DHRS3: variants seen among roughly 807,000 people sequenced by gnomAD.
DHRS3 encodes the protein dehydrogenase/reductase 3.
A neutral mutation model predicts 27.2 loss-of-function variants in DHRS3; 14 were observed. The ratio of observed to expected loss-of-function variants is 0.52; its 90% CI spans 0.34 to 0.81. The LOEUF (loss-of-function observed/expected upper bound fraction) is 0.81. DHRS3 is among the 30% of genes least tolerant of loss of function. The probability of loss-of-function intolerance (pLI) is 0.01; values close to 1 mark genes in which losing one functional copy is unlikely to be tolerated. For missense variants in DHRS3, 322 were observed against 406.2 expected (o/e 0.79, Z 1.78); for synonymous variants, 165 against 175.9 (o/e 0.94, Z 0.49).
At chr1:12,570,058 C>G (rs1351008538) in intron 5 of DHRS3, 4 of 152,188 alleles carry the variant, frequency 2.6e-5, no homozygotes, top group East Asian at 1.9e-4. Context: ...GACCTTCTCT[C>G]CCTTCATACA....
chr1:12,617,545 A>C lies in DHRS3; in HGVS notation c.-197T>G. On this transcript the variant is annotated 5_prime_UTR_variant, in exon 1 of 6. The change creates a new upstream start codon in the 5' untranslated region. Transcript: ENST00000616661. ...GAAAAAAAAAAAAAAAAAAAAGATA[A>C]ATTCTCCTCTGGGGGAGAAAAAGCG... 1.1e-5 allele frequency: 5 copies of C among 442,516 alleles called. No individual in the cohort carries two copies. The highest frequency in any genetic ancestry group is 1.1e-5 in the Non-Finnish European group (3 of 263,268). 27.4% of individuals were successfully genotyped at this position (442,516 alleles called of 1,614,324 possible). A position where few individuals can be genotyped will look rare whatever the true frequency, so the allele number is the denominator to read the frequency against.
At position 12,617,178 on chromosome 1, in the gene DHRS3, C is replaced by G. The variant is rs764159622; in HGVS notation, c.171G>C (p.Glu57Asp). 1.2e-5 allele frequency: 20 copies of G among 1,612,386 alleles called. No homozygotes were observed. The East Asian group carries it at 4.5e-4, about 36-fold the overall frequency. ...CCTTTCTGGCGCCGCGCTCCGCGAA[C>G]TCGCGGGCGAGCTGACGCCCGATGC... is the stretch of plus-strand genomic sequence containing the variant. ...GRGIGRQLAR[E>D]FAERGARKIV... is the part of the protein sequence containing the mutation. Residue 57 changes from glutamate (E) to aspartate (D), a missense_variant, in exon 1 of 6, where the codon GAG becomes GAC. Transcript: ENST00000616661.
chr1:12,594,177 A>C lies in DHRS3; in HGVS notation c.196-13511T>G, dbSNP rs1476138039. On this transcript the variant is annotated intron_variant, in intron 1 of 5. Coordinates refer to ENST00000616661, the MANE Select transcript of DHRS3 (RefSeq NM_004753.7). This position sits in a 1 kb window ranked among gnomAD's most constrained non-coding sequence, Gnocchi z 4.1. The stretch of plus-strand genomic sequence containing the variant: ...TTACTGTCCACCGGGGTGGGATTCA[A>C]ATTTGGACAGTCTAAGTAACTCATG... 6.6e-6 allele frequency among the ~76,000 whole-genome samples: 1 copy of C among 152,138 alleles called. No homozygotes were observed. Among genetic ancestry groups the C allele is most frequent in the African/African-American group, 2.4e-5 (1 of 41,420 alleles).
intron 2 of DHRS3, 116 bp downstream of exon 2, chr1:12,580,407 G>T: frequency 6.7e-7 from 1 of 1,481,772 alleles, no homozygotes; most frequent in South Asian, 1.2e-5. Flanking sequence ...GGTGCCCCGG[G>T]CAAAGCCATT....
intron 1 of DHRS3, among the ~76,000 whole-genome samples, chr1:12,600,997 C>T (rs1425997988): frequency 1.3e-5 from 2 of 151,014 alleles, no homozygotes; most frequent in South Asian, 2.1e-4. Context: ...GGTTGGGGGG[C>T]GCGGTGGTAA....
intron 3 of DHRS3, 108 bp downstream of exon 3, chr1:12,579,185 A>T (rs1646621187): frequency 6.4e-7 from 1 of 1,571,224 alleles, no homozygotes; most frequent in East Asian, 2.3e-5. Flanking sequence ...TTGTTCGTGG[A>T]CATCCCTGCT....
chr1:12,609,047 C>T (rs1646889569), intron 1 of DHRS3, among the ~76,000 whole-genome samples: 2 of 152,196 alleles, frequency 1.3e-5, no homozygotes, highest in African/African-American at 4.8e-5. Flanking sequence ...AAAAGCATCT[C>T]CTTCATTCTA....
Position 12,578,784 on chromosome 1 carries a change from C to A in DHRS3, c.632G>T (p.Gly211Val). ...SLTLGLLDCP[G>V]VSATTVLPFH... is the part of the protein sequence containing the mutation. ...GGGCAGCACTGTGGTGGCGCTGACT[C>A]CCGGACAGTCCAGCAGCCCCAGGGT... The change falls in exon 4 of 6, where the codon GGA becomes GTA. Residue 211 changes from glycine to valine, a missense_variant. Gly to Val is a moderately radical substitution (Grantham distance 109). Transcript: ENST00000616661. The surrounding 1 kb of genome is among the most constrained non-coding windows in gnomAD (Gnocchi z 4.5). 1 of 1,614,100 alleles carries A rather than the reference C, an allele frequency of 6.2e-7. No homozygotes were observed. Among genetic ancestry groups the A allele is most frequent in the Non-Finnish European group, 8.5e-7 (1 of 1,180,028 alleles).
chr1:12,576,312 C>T (rs575423095), intron 4 of DHRS3, among the ~76,000 whole-genome samples: 1 of 152,060 alleles, frequency 6.6e-6, no homozygotes, highest in Admixed American at 6.5e-5. Context: ...CCTGTAATCC[C>T]AGCACTTTGG....
Position 12,617,238 on chromosome 1 carries a change from C to G in DHRS3, c.111G>C (p.Ser37=). Residue 37 remains serine, a synonymous_variant, in exon 1 of 6, where the codon TCG becomes TCC. Coordinates refer to ENST00000616661, the MANE Select transcript of DHRS3 (RefSeq NM_004753.7). ...LVLPAKLRDL[S]RENVLITGGG... ...CGCCGGTGATGAGGACGTTCTCCCG[C>G]GACAGGTCCCGCAGCTTGGCGGGCA... The G allele has an allele frequency of 6.2e-7, 1 of 1,613,748 alleles. No individual in the cohort carries two copies. The highest frequency in any genetic ancestry group is 8.5e-7 in the Non-Finnish European group (1 of 1,179,978).
At chr1:12,611,079 C>G (rs747702873) in intron 1 of DHRS3, among the ~76,000 whole-genome samples, 18 of 152,158 alleles carry the variant, frequency 1.2e-4, no homozygotes, top group Non-Finnish European at 2.4e-4. Flanking sequence ...GGCAGACGGC[C>G]TCGGCAAATA....
chr1:12,571,076 G>A (rs1646532588), intron 5 of DHRS3, among the ~76,000 whole-genome samples: 1 of 152,208 alleles, frequency 6.6e-6, no homozygotes, highest in Non-Finnish European at 1.5e-5. Context: ...TCCTGAAAAG[G>A]ACTTCCAGGT....
At chr1:12,614,085 C>A (rs1417280925) in intron 1 of DHRS3, among the ~76,000 whole-genome samples, 1 of 152,098 alleles carries the variant, frequency 6.6e-6, no homozygotes, top group South Asian at 2.1e-4. Flanking sequence ...TCCTGGAGTT[C>A]CTGACGTGGT....
intron 1 of DHRS3, among the ~76,000 whole-genome samples, chr1:12,600,746 G>A (rs781022798): frequency 6.6e-6 from 1 of 152,150 alleles, no homozygotes; most frequent in South Asian, 2.1e-4. Flanking sequence ...CTGGCCTCTC[G>A]CACCTGTGAA....
At chr1:12,616,451 T>A (rs76834451) in intron 1 of DHRS3, 24,843 of 674,588 alleles carry the variant, frequency 0.037, 691 homozygotes, top group East Asian at 0.2. Flanking sequence ...GGACCCTCCT[T>A]GCAGCACCAC....
At position 12,591,251 on chromosome 1, in the gene DHRS3, G is replaced by A. The variant is rs1646743154; in HGVS notation, c.196-10585C>T. Among the ~76,000 whole-genome samples, 1 of 152,228 alleles carries A rather than the reference G, an allele frequency of 6.6e-6. No individual in the cohort carries two copies. The highest frequency in any genetic ancestry group is 1.5e-5 in the Non-Finnish European group (1 of 68,042). Reference sequence around the variant, plus strand: ...GGTCAGAGGTGACAGAAGCCACTGGGCCTGTCAGGGACTTCGGCTAGGTCC... The same window carrying A: ...GGTCAGAGGTGACAGAAGCCACTGGACCTGTCAGGGACTTCGGCTAGGTCC... On this transcript the variant is annotated intron_variant, in intron 1 of 5. Transcript: ENST00000616661. The surrounding 1 kb of genome is among the most constrained non-coding windows in gnomAD (Gnocchi z 4.1).
chr1:12,576,294 G>T (rs922106451), intron 4 of DHRS3, among the ~76,000 whole-genome samples: 1 of 151,780 alleles, frequency 6.6e-6, no homozygotes, highest in African/African-American at 2.4e-5. Flanking sequence ...TGGGCGTGGT[G>T]GCTCACGCCT....
Position 12,591,129 on chromosome 1 carries a change from G to A in DHRS3, c.196-10463C>T, listed in dbSNP as rs1646742202. ...TTCTGGATCTTCCATCAGCAAGGGG[G>A]ATCTATATCTGTTGCTGTACTAATA... On this transcript the variant is annotated intron_variant, in intron 1 of 5. Coordinates refer to ENST00000616661, the MANE Select transcript of DHRS3 (RefSeq NM_004753.7). This position sits in a 1 kb window ranked among gnomAD's most constrained non-coding sequence, Gnocchi z 4.1. 6.6e-6 allele frequency among the ~76,000 whole-genome samples: 1 copy of A among 152,196 alleles called. No homozygotes were observed. The highest frequency in any genetic ancestry group is 1.5e-5 in the Non-Finnish European group (1 of 68,030).
chr1:12,575,329 AAG>A (rs1485640644), intron 4 of DHRS3, among the ~76,000 whole-genome samples: 26 of 149,952 alleles, frequency 1.7e-4, no homozygotes, highest in African/African-American at 6.3e-4. Flanking sequence ...TTTGTATCAA[AAG>A]AAAAAAAAAA....
Sources: gnomAD v4.1 joint callset for allele counts (sites outside exome capture counted in the v4.1 genomes callset) on GRCh38, gnomAD v4.1.1 for gene constraint, Gnocchi (gnomAD v3.1) non-coding constraint, MANE v1.5 for transcripts, NCBI Gene and HGNC (gene_info 2026-07-23, HGNC 2026-07-21) for gene names.